Variants in KCNK3 observed in about 807,000 individuals in gnomAD.
The protein encoded by KCNK3 is potassium channel subfamily K member 3.
A neutral mutation model predicts 27.3 loss-of-function variants in KCNK3; 9 were observed. That is an observed-to-expected ratio of 0.33 (90% CI 0.20 to 0.57). KCNK3 has a LOEUF of 0.57. Among genes scored for constraint, KCNK3 ranks in the 20% least tolerant of loss-of-function variants. The pLI is 0.87. For missense variants in KCNK3, 391 were observed against 577.7 expected (o/e 0.68, Z 3.31); for synonymous variants, 278 against 273.8 (o/e 1.02, Z -0.15).
At position 26,728,812 on chromosome 2, in the gene KCNK3, T is replaced by G. The variant is rs958643297; in HGVS notation, c.*244T>G. ...CCGAGAAATGTGAAACTTGGTGGGGTCAGGGAGGAAAGGCAGAAGCTGGGA... is the reference window on the plus strand; with the variant it reads ...CCGAGAAATGTGAAACTTGGTGGGGGCAGGGAGGAAAGGCAGAAGCTGGGA... On this transcript the variant is annotated 3_prime_UTR_variant, in exon 2 of 2. Transcript: ENST00000302909. The G allele has an allele frequency of 7.6e-6, 3 of 397,050 alleles. No homozygotes were observed. The highest frequency in any genetic ancestry group is 2.1e-5 in the African/African-American group (1 of 48,362). 24.6% of individuals were successfully genotyped at this position (397,050 alleles called of 1,614,324 possible).
chr2:26,706,873 G>A (rs1670381500), intron 1 of KCNK3, among the ~76,000 whole-genome samples: 1 of 152,148 alleles, frequency 6.6e-6, no homozygotes, highest in South Asian at 2.1e-4. Context: ...CCACCTGGCT[G>A]TGAAACCTGG....
At chr2:26,727,259 AATCC>A (rs1663436981) in intron 1 of KCNK3, among the ~76,000 whole-genome samples, 1 of 152,084 alleles carries the variant, frequency 6.6e-6, no homozygotes, top group African/African-American at 2.4e-5. Context: ...ACTGAACTAG[AATCC>A]AGCTCTCCCA....
At chr2:26,717,716 G>A (rs1663256339) in intron 1 of KCNK3, among the ~76,000 whole-genome samples, 1 of 152,198 alleles carries the variant, frequency 6.6e-6, no homozygotes, top group Non-Finnish European at 1.5e-5. Flanking sequence ...CTTAGAACAG[G>A]CCCCACCGGC....
At chr2:26,710,121 G>T (rs375251141) in intron 1 of KCNK3, among the ~76,000 whole-genome samples, 1 of 152,172 alleles carries the variant, frequency 6.6e-6, no homozygotes, top group South Asian at 2.1e-4. Context: ...AGATGTTCCC[G>T]CACCCTCTGC....
chr2:26,722,789 A>C (rs1354010163), intron 1 of KCNK3, among the ~76,000 whole-genome samples: 2 of 152,270 alleles, frequency 1.3e-5, no homozygotes, highest in African/African-American at 4.8e-5. Flanking sequence ...CACTGCACTG[A>C]TCACCACATC....
intron 1 of KCNK3, among the ~76,000 whole-genome samples, chr2:26,695,786 G>T (rs976493585): frequency 1.3e-5 from 2 of 152,174 alleles, no homozygotes; most frequent in African/African-American, 4.8e-5. Flanking sequence ...AAAAGCCATG[G>T]GGGGAGAGGC....
chr2:26,724,641 G>A (rs1024519463), intron 1 of KCNK3: 1 of 984,934 alleles, frequency 1.0e-6, no homozygotes, highest in African/African-American at 1.7e-5. Context: ...CCAAAGAGGA[G>A]GCACATCTAG....
chr2:26,711,779 G>A (rs940126036), intron 1 of KCNK3, among the ~76,000 whole-genome samples: 1 of 152,216 alleles, frequency 6.6e-6, no homozygotes, highest in African/African-American at 2.4e-5. Flanking sequence ...TTTTGAATTG[G>A]AGAGGAGGAT....
At chr2:26,715,032 A>C (rs1663203943) in intron 1 of KCNK3, among the ~76,000 whole-genome samples, 1 of 152,164 alleles carries the variant, frequency 6.6e-6, no homozygotes, top group Admixed American at 6.5e-5. Flanking sequence ...CCAACCACTC[A>C]CTCAGCCCAG....
chr2:26,706,426 G>A (rs1670374165), intron 1 of KCNK3, among the ~76,000 whole-genome samples: 1 of 152,136 alleles, frequency 6.6e-6, no homozygotes, highest in Non-Finnish European at 1.5e-5. Context: ...GTCAGCCCAG[G>A]GGAGGCCCCC....
intron 1 of KCNK3, chr2:26,724,652 G>A (rs907147341): frequency 1.5e-5 from 15 of 983,128 alleles, no homozygotes; most frequent in Non-Finnish European, 1.8e-5. Context: ...GCACATCTAG[G>A]CCAGGGCTGC....
At chr2:26,696,027 C>A (rs970574656) in intron 1 of KCNK3, among the ~76,000 whole-genome samples, 1 of 152,176 alleles carries the variant, frequency 6.6e-6, no homozygotes, top group East Asian at 1.9e-4. Flanking sequence ...TAGAAAGGGG[C>A]CTTAGTTAGG....
chr2:26,704,989 C>T (rs1442121497), intron 1 of KCNK3, among the ~76,000 whole-genome samples: 1 of 151,668 alleles, frequency 6.6e-6, no homozygotes, highest in East Asian at 1.9e-4. Flanking sequence ...TTTTTGGAGG[C>T]AGGGTCTCAC....
chr2:26,703,273 C>G (rs935758127), intron 1 of KCNK3, among the ~76,000 whole-genome samples: 1 of 152,148 alleles, frequency 6.6e-6, no homozygotes, highest in Admixed American at 6.6e-5. Context: ...ATCTCCCAAA[C>G]TTAAAGACAA....
At position 26,718,110 on chromosome 2, in the gene KCNK3, G is replaced by T. The variant is rs77242441; in HGVS notation, c.284-9557G>T. ...CCTCCTCCTCTCATCCCGAACTCTTGGATCCTCCGCTTCCCTCTAGCTCAG... is the reference window on the plus strand; with the variant it reads ...CCTCCTCCTCTCATCCCGAACTCTTTGATCCTCCGCTTCCCTCTAGCTCAG... On this transcript the variant is annotated intron_variant, in intron 1 of 1. Coordinates refer to ENST00000302909, the MANE Select transcript of KCNK3 (RefSeq NM_002246.3). Among the ~76,000 whole-genome samples the T allele has an allele frequency of 8.7e-3, 1,302 of 150,036 alleles. 22 individuals carry two copies. The highest frequency in any genetic ancestry group is 0.029 in the African/African-American group (1,199 of 40,656).
At chr2:26,710,753 C>T (rs1052895416) in intron 1 of KCNK3, among the ~76,000 whole-genome samples, 7 of 152,166 alleles carry the variant, frequency 4.6e-5, no homozygotes, top group Non-Finnish European at 1.0e-4. Context: ...CCCAGCTTCT[C>T]TGGGAGGGCC....
At chr2:26,711,405 C>G (rs1663107013) in intron 1 of KCNK3, among the ~76,000 whole-genome samples, 1 of 152,218 alleles carries the variant, frequency 6.6e-6, no homozygotes, top group African/African-American at 2.4e-5. Flanking sequence ...CAAGGCACAT[C>G]TTTCTCCCTA....
intron 1 of KCNK3, among the ~76,000 whole-genome samples, chr2:26,718,044 C>G (rs62129551): frequency 1.3e-5 from 2 of 152,060 alleles, no homozygotes; most frequent in South Asian, 2.1e-4. Context: ...CTCCTCCCCT[C>G]GCCCCTTCCT....
Position 26,731,875 on chromosome 2 carries a change from A to T in KCNK3, c.*3307A>T, listed in dbSNP as rs886948916. On this transcript the variant is annotated 3_prime_UTR_variant, in exon 2 of 2. Coordinates refer to ENST00000302909, the MANE Select transcript of KCNK3 (RefSeq NM_002246.3). ...GGGGATTGCTATTCCAGTGCTCCCC[A>T]TCCTCACACAGACTGCACAGTCCGC... 6.6e-6 allele frequency: 1 copy of T among 152,098 alleles called. No homozygotes were observed. Among genetic ancestry groups the T allele is most frequent in the East Asian group, 1.9e-4 (1 of 5,186 alleles). 9.4% of individuals were successfully genotyped at this position (152,098 alleles called of 1,614,324 possible).
Sources: gnomAD v4.1 joint callset for allele counts (sites outside exome capture counted in the v4.1 genomes callset) on GRCh38, gnomAD v4.1.1 for gene constraint, MANE v1.5 for transcripts, NCBI Gene and HGNC (gene_info 2026-07-23, HGNC 2026-07-21) for gene names.